Variants in TENM3 observed in about 807,000 individuals in gnomAD.
TENM3 encodes teneurin-3.
In TENM3, 63 loss-of-function variants were observed where a neutral mutation model predicts 255.1. The ratio of observed to expected loss-of-function variants is 0.25; its 90% CI spans 0.20 to 0.30. The LOEUF is 0.30. Ranked by LOEUF, TENM3 falls within the 10% of genes least tolerant of loss-of-function variation. The pLI, the probability that TENM3 is intolerant of heterozygous loss-of-function variation, is 1.00. For missense variants in TENM3, 2,929 were observed against 3,461.1 expected, an observed-to-expected ratio of 0.85 and a Z score of 3.86; for synonymous variants, 1,306 against 1,322.3, an observed-to-expected ratio of 0.99 and a Z score of 0.27.
chr4:182,790,658 T>C (rs1766032142), intron 25 of TENM3, among the ~76,000 whole-genome samples: 1 of 152,202 alleles, frequency 6.6e-6, no homozygotes, highest in African/African-American at 2.4e-5. Context: ...CTTGAGACAA[T>C]GAACCACACC....
At chr4:181,949,887 T>C in the TENM3 span, among the ~76,000 whole-genome samples, 2 of 152,022 alleles carry the variant, frequency 1.3e-5, no homozygotes, top group Non-Finnish European at 2.9e-5. Context: ...GTTGTTCCTC[T>C]CCCTCAAATT....
At chr4:182,126,499 G>T in the TENM3 span, among the ~76,000 whole-genome samples, 2 of 152,322 alleles carry the variant, frequency 1.3e-5, no homozygotes, top group South Asian at 4.1e-4. Flanking sequence ...GATTTAGACA[G>T]TTGGATTCAG....
At chr4:182,663,307 T>C (rs1196684526) in intron 6 of TENM3, among the ~76,000 whole-genome samples, 1 of 152,178 alleles carries the variant, frequency 6.6e-6, no homozygotes, top group African/African-American at 2.4e-5. Context: ...AATTTATTTA[T>C]TTTTTGAGAT....
At chr4:181,487,393 A>C in the TENM3 span, among the ~76,000 whole-genome samples, 1 of 152,126 alleles carries the variant, frequency 6.6e-6, no homozygotes, top group Admixed American at 6.5e-5. Context: ...AAACAATAGA[A>C]ATTAACTTCT....
intron 4 of TENM3, among the ~76,000 whole-genome samples, chr4:182,605,484 T>TAAAAA (rs756985870): frequency 8.7e-6 from 1 of 114,636 alleles, no homozygotes; most frequent in Non-Finnish European, 1.7e-5. Flanking sequence ...CATCATTTAT[T>TAAAAA]TAAAAAAAAA....
At chr4:182,141,959 T>C (rs893140791), upstream of TENM3, 10 of 152,164 alleles carry the variant, frequency 6.6e-5, no homozygotes, top group Admixed American at 2.0e-4. Flanking sequence ...CACTTACTAC[T>C]TGGAAAAGTT....
At position 182,731,154 on chromosome 4, in the gene TENM3, C is replaced by T. The variant is rs1760668473; in HGVS notation, c.2967+15C>T. The T allele has an allele frequency of 1.2e-6, 2 of 1,609,392 alleles. No individual in the cohort carries two copies. Among genetic ancestry groups the T allele is most frequent in the Non-Finnish European group, 1.7e-6 (2 of 1,177,640 alleles). ...CCGAAACACAGGTAAAATATTCTCACAGGCAGTACTTGTAAATACAAGATC... is the reference window on the plus strand; with the variant it reads ...CCGAAACACAGGTAAAATATTCTCATAGGCAGTACTTGTAAATACAAGATC... On this transcript the variant is annotated intron_variant, in intron 16 of 27. Coordinates refer to ENST00000511685, the MANE Select transcript of TENM3 (RefSeq NM_001080477.4).
chr4:181,692,789 T>C, the TENM3 span, among the ~76,000 whole-genome samples: 2 of 152,252 alleles, frequency 1.3e-5, no homozygotes, highest in Admixed American at 1.3e-4. Context: ...AAATCTATCA[T>C]TAGTAATTCA....
At chr4:182,455,080 A>G (rs1349127728) in intron 3 of TENM3, among the ~76,000 whole-genome samples, 1 of 152,214 alleles carries the variant, frequency 6.6e-6, no homozygotes, top group African/African-American at 2.4e-5. Flanking sequence ...ATATCTCCTT[A>G]TCATCATGCT....
At position 182,432,851 on chromosome 4, in the gene TENM3, T is replaced by G. The variant is rs116231036; in HGVS notation, c.511+85922T>G. Among the ~76,000 whole-genome samples, 99 of 149,196 alleles carry G rather than the reference T, an allele frequency of 6.6e-4. 1 individual carries two copies. Among genetic ancestry groups the G allele is most frequent in the African/African-American group, 2.1e-3 (85 of 39,874 alleles). ...TTTTTCATCAGGGAATGGATTTGGG[T>G]GTGTGTGTGTGTGTTTTAGTAGAGA... On this transcript the variant is annotated intron_variant, in intron 3 of 27. Coordinates refer to ENST00000511685, the MANE Select transcript of TENM3 (RefSeq NM_001080477.4).
chr4:182,484,416 G>A (rs1734504041), intron 3 of TENM3, among the ~76,000 whole-genome samples: 1 of 152,096 alleles, frequency 6.6e-6, no homozygotes, highest in Middle Eastern at 3.2e-3. Flanking sequence ...TATAGGCTCT[G>A]TTTCCTTGTT....
the TENM3 span, chr4:181,976,652 A>C: frequency 6.6e-6 from 1 of 152,236 alleles, no homozygotes; most frequent in Non-Finnish European, 1.5e-5. Flanking sequence ...AGTCCATTTG[A>C]GATATTTATT....
chr4:182,568,600 T>C (rs1744034868), intron 3 of TENM3, among the ~76,000 whole-genome samples: 1 of 152,200 alleles, frequency 6.6e-6, no homozygotes, highest in African/African-American at 2.4e-5. Context: ...TGTTTGGCAG[T>C]TGTCTATAAA....
chr4:181,722,162 T>C, the TENM3 span, among the ~76,000 whole-genome samples: 26 of 152,142 alleles, frequency 1.7e-4, no homozygotes, highest in East Asian at 5.0e-3. Context: ...AAAGGACACA[T>C]AGAAAGAATG....
the TENM3 span, among the ~76,000 whole-genome samples, chr4:181,514,380 AT>A: frequency 1.3e-5 from 2 of 152,232 alleles, no homozygotes; most frequent in Non-Finnish European, 2.9e-5. Context: ...GTTGTCATAT[AT>A]TCAGAGCATT....
At chr4:182,755,904 C>A (rs758829461) in intron 22 of TENM3, among the ~76,000 whole-genome samples, 10 of 151,648 alleles carry the variant, frequency 6.6e-5, no homozygotes, top group Non-Finnish European at 1.2e-4. Flanking sequence ...AGATGTAGGG[C>A]CTTGGAAAGG....
intron 3 of TENM3, among the ~76,000 whole-genome samples, chr4:182,578,017 C>G (rs954796975): frequency 1.3e-5 from 2 of 151,108 alleles, no homozygotes; most frequent in Admixed American, 6.6e-5. Context: ...TGCTGTGTTG[C>G]CCAGGCTGGA....
chr4:181,474,683 C>T, the TENM3 span, among the ~76,000 whole-genome samples: 7 of 149,046 alleles, frequency 4.7e-5, no homozygotes, highest in South Asian at 2.1e-4. Flanking sequence ...TGCAGCAAGT[C>T]GAGATCATGC....
chr4:181,585,356 G>T, the TENM3 span, among the ~76,000 whole-genome samples: 1 of 151,974 alleles, frequency 6.6e-6, no homozygotes, highest in Non-Finnish European at 1.5e-5. Context: ...TTTGTATATC[G>T]CAGCCTGAAG....
Sources: allele counts gnomAD v4.1 joint callset (sites outside exome capture counted in the v4.1 genomes callset), GRCh38; gene constraint gnomAD v4.1.1; transcripts MANE v1.5; gene names NCBI Gene and HGNC (gene_info 2026-07-23, HGNC 2026-07-21).